The following DEPDC4 variants were observed in gnomAD, a reference collection of about 807,000 sequenced individuals.
DEPDC4 encodes DEP domain-containing protein 4.
In DEPDC4, 52 loss-of-function variants were observed where a neutral mutation model predicts 52.0. The observed-to-expected ratio is 1.00, with a 90% CI of 0.80 to 1.26. The LOEUF is 1.26. Ranked by LOEUF, DEPDC4 falls within the 50% of genes most tolerant of loss-of-function variation. The pLI is 0.00. For synonymous variants in DEPDC4, 201 were observed against 196.8 expected, an observed-to-expected ratio of 1.02 and a Z score of -0.18; for missense variants, 530 against 546.9, an observed-to-expected ratio of 0.97 and a Z score of 0.31.
At chr12:100,271,165 T>A (rs1303605920), upstream of DEPDC4, among the ~76,000 whole-genome samples, 1 of 149,406 alleles carries the variant, frequency 6.7e-6, no homozygotes, top group South Asian at 2.1e-4. Context: ...CTTCTAGTAA[T>A]CTCTGAGTGC....
chr12:100,249,771 G>C (rs968137381), intron 7 of DEPDC4, among the ~76,000 whole-genome samples: 1 of 151,474 alleles, frequency 6.6e-6, no homozygotes, highest in African/African-American at 2.4e-5. Flanking sequence ...TAAAAACTGA[G>C]TGAGTGATTT....
In DEPDC4 at chr12:100,253,650, G is replaced by GT. The variant is rs1291551725; in HGVS notation, c.943dup (p.Thr315AsnfsTer3). 1.6e-6 allele frequency: 2 copies of GT among 1,289,898 alleles called. No individual in the cohort carries two copies. Among genetic ancestry groups the GT allele is most frequent in the East Asian group, 1.1e-4 (2 of 18,020 alleles). 79.9% of individuals were successfully genotyped at this position (1,289,898 alleles called of 1,614,324 possible). ...GTTTTGCATTAACTGCTGACTAACT[G>GT]TAACTATTAACTGGTCAGGGAAATA... is the stretch of plus-strand genomic sequence containing the variant. On this transcript the variant is annotated frameshift_variant, in exon 5 of 10. Transcript: ENST00000550587. LOFTEE classifies it high-confidence loss of function.
rs1202978267 is a variant in DEPDC4 at position 100,266,921 on chromosome 12, T to A, written c.156A>T (p.Thr52=). Residue 52 remains threonine, a splice_region_variant and synonymous_variant, in exon 1 of 10, where the codon ACA becomes ACT. Transcript: ENST00000550587. Reference sequence around the variant, plus strand: ...TTTGGCTAGGATATACAGGGCTACCTGTCCTCCTTTTCCGGCAGAAGCCAT... The same window carrying A: ...TTTGGCTAGGATATACAGGGCTACCAGTCCTCCTTTTCCGGCAGAAGCCAT... ...RRDGFCRKRR[T]GCSGPFQATQ... 3 of 1,613,052 alleles carry A rather than the reference T, an allele frequency of 1.9e-6. No homozygotes were observed. The African/African-American group carries it at 4.0e-5, about 22-fold the overall frequency.
At chr12:100,275,908 T>G in the DEPDC4 span, among the ~76,000 whole-genome samples, 2 of 118,072 alleles carry the variant, frequency 1.7e-5, no homozygotes, top group African/African-American at 5.2e-5. Context: ...TTTTGTCAGT[T>G]TTTTTTCTGC....
intron 3 of DEPDC4, among the ~76,000 whole-genome samples, chr12:100,256,683 C>G (rs1195589040): frequency 1.3e-5 from 2 of 150,390 alleles, no homozygotes; most frequent in African/African-American, 2.4e-5. Context: ...GCTTTGTTGC[C>G]CAGGCTCGAG....
At chr12:100,270,642 A>G (rs61940538), upstream of DEPDC4, among the ~76,000 whole-genome samples, 657 of 118,144 alleles carry the variant, frequency 5.6e-3, 3 homozygotes, top group Middle Eastern at 0.022. Flanking sequence ...TTTTTTTTTA[A>G]TATTTTTATT....
intron 4 of DEPDC4, among the ~76,000 whole-genome samples, chr12:100,255,206 T>A (rs1350213940): frequency 1.3e-5 from 2 of 152,246 alleles, no homozygotes; most frequent in African/African-American, 2.4e-5. Context: ...TGCTGTGAGT[T>A]TCCTGCAGCG....
the DEPDC4 span, among the ~76,000 whole-genome samples, chr12:100,280,909 A>G: frequency 1.3e-5 from 2 of 152,010 alleles, no homozygotes; most frequent in East Asian, 3.9e-4. Flanking sequence ...CAATTAAATG[A>G]TAAGTATTCA....
chr12:100,252,628 T>A lies in DEPDC4; in HGVS notation c.1106-92A>T, dbSNP rs1203672123. 5.5e-6 allele frequency: 7 copies of A among 1,274,524 alleles called. No individual in the cohort carries two copies. The South Asian group carries it at 1.2e-4, about 22-fold the overall frequency. The allele number at this position is 1,274,524 out of a possible 1,614,324, so 79.0% of individuals were successfully genotyped here. Reference sequence around the variant, plus strand: ...TTAGTAGTCAATTAAAATGCTACAATGTTGTATTAGTTTGCAGGTTCTTTT... The same window carrying A: ...TTAGTAGTCAATTAAAATGCTACAAAGTTGTATTAGTTTGCAGGTTCTTTT... On this transcript the variant is annotated intron_variant, in intron 5 of 9. Transcript: ENST00000550587.
chr12:100,260,096 T>C (rs2096248447), intron 3 of DEPDC4, among the ~76,000 whole-genome samples: 1 of 152,000 alleles, frequency 6.6e-6, no homozygotes, highest in South Asian at 2.1e-4. Context: ...CCAAAATAAG[T>C]GGAAATTATT....
chr12:100,238,270 C>A (rs898608285), downstream of DEPDC4, among the ~76,000 whole-genome samples: 1 of 151,488 alleles, frequency 6.6e-6, no homozygotes, highest in East Asian at 1.9e-4. Context: ...CGGGTTCAAG[C>A]AATTCTCCTG....
At chr12:100,236,261 T>G (rs2096141223), downstream of DEPDC4, among the ~76,000 whole-genome samples, 1 of 152,176 alleles carries the variant, frequency 6.6e-6, no homozygotes, top group Non-Finnish European at 1.5e-5. Context: ...CTTTAAGGAA[T>G]CTCCACACCG....
intron 8 of DEPDC4, among the ~76,000 whole-genome samples, chr12:100,248,625 C>G (rs950664027): frequency 6.6e-6 from 1 of 152,102 alleles, no homozygotes; most frequent in Non-Finnish European, 1.5e-5. Context: ...AGCAAAGAAG[C>G]AGGCATGTGG....
At chr12:100,252,365 AT>A (rs1566315920) in intron 6 of DEPDC4, 28 bp downstream of exon 6, 1 of 1,500,094 alleles carries the variant, frequency 6.7e-7, no homozygotes. Flanking sequence ...GCAAAAAAAA[AT>A]GGCAAAACTT....
At chr12:100,239,635 T>C (rs143642625), downstream of DEPDC4, among the ~76,000 whole-genome samples, 19 of 152,210 alleles carry the variant, frequency 1.2e-4, no homozygotes, top group East Asian at 2.7e-3. Flanking sequence ...TTCTCCTGCA[T>C]TGGCATCCCA....
chr12:100,279,953 C>T, the DEPDC4 span, among the ~76,000 whole-genome samples: 1 of 152,206 alleles, frequency 6.6e-6, no homozygotes, highest in South Asian at 2.1e-4. Context: ...TATCTCAGAA[C>T]TTTCATCTAC....
chr12:100,241,663 A>G lies in DEPDC4; in HGVS notation c.*229T>C. ...TTTACAAATTGTAGTTTCTTGTATCAGAAATGTTAATTCAAAGCTTCTGGA... is the reference window on the plus strand; with the variant it reads ...TTTACAAATTGTAGTTTCTTGTATCGGAAATGTTAATTCAAAGCTTCTGGA... On this transcript the variant is annotated 3_prime_UTR_variant, in exon 10 of 10. Coordinates refer to ENST00000550587, the MANE Select transcript of DEPDC4 (RefSeq NM_001364818.2). The G allele has an allele frequency of 1.3e-5, 16 of 1,205,670 alleles. No individual in the cohort carries two copies. Among genetic ancestry groups the G allele is most frequent in the Non-Finnish European group, 1.6e-5 (15 of 950,284 alleles). The allele number at this position is 1,205,670 out of a possible 1,614,324, so 74.7% of individuals were successfully genotyped here.
the DEPDC4 span, among the ~76,000 whole-genome samples, chr12:100,276,828 A>G: frequency 6.6e-6 from 1 of 151,780 alleles, no homozygotes; most frequent in Non-Finnish European, 1.5e-5. Context: ...CTAGCTTCCT[A>G]AGGTGGAAGC....
the DEPDC4 span, among the ~76,000 whole-genome samples, chr12:100,274,892 C>T: frequency 6.6e-6 from 1 of 152,300 alleles, no homozygotes; most frequent in Admixed American, 6.5e-5. Context: ...GATCCCTTCT[C>T]ACAGTAATAT....
Sources: gnomAD v4.1 joint callset for allele counts (sites outside exome capture counted in the v4.1 genomes callset) on GRCh38, gnomAD v4.1.1 for gene constraint, MANE v1.5 for transcripts, NCBI Gene and HGNC (gene_info 2026-07-23, HGNC 2026-07-21) for gene names.